Variants in AMBRA1 observed in about 807,000 individuals in gnomAD.
AMBRA1 encodes the protein activating molecule in BECN1-regulated autophagy protein 1.
AMBRA1 carries 47 observed loss-of-function variants against 125.4 expected under a neutral mutation model. The observed-to-expected ratio is 0.37, with a 90% CI of 0.30 to 0.48. AMBRA1 has a LOEUF of 0.48. AMBRA1 is among the 20% of genes least tolerant of loss of function. The probability of loss-of-function intolerance (pLI) is 0.99; values close to 1 mark genes in which losing one functional copy is unlikely to be tolerated. For synonymous variants in AMBRA1, 626 were observed against 655.5 expected, an observed-to-expected ratio of 0.95 and a Z score of 0.69; for missense variants, 1,331 against 1,693.4, an observed-to-expected ratio of 0.79 and a Z score of 3.76.
intron 7 of AMBRA1, among the ~76,000 whole-genome samples, chr11:46,517,690 C>T (rs1258956422): frequency 4.0e-5 from 6 of 149,704 alleles, no homozygotes; most frequent in Admixed American, 1.3e-4. Context: ...AAAAATTAGC[C>T]GGGCCTGGTG....
chr11:46,591,456 G>A (rs2044591560), intron 1 of AMBRA1: 1 of 152,056 alleles, frequency 6.6e-6, no homozygotes, highest in Non-Finnish European at 1.5e-5. Context: ...AAAATTAAAG[G>A]AACAGTAATC....
chr11:46,588,145 C>T (rs958853289), intron 1 of AMBRA1, among the ~76,000 whole-genome samples: 1 of 152,148 alleles, frequency 6.6e-6, no homozygotes, highest in Non-Finnish European at 1.5e-5. Context: ...CCAGCCTGGC[C>T]AACATGGTGA....
At chr11:46,461,409 T>C (rs76018124) in intron 11 of AMBRA1, among the ~76,000 whole-genome samples, 10,450 of 152,302 alleles carry the variant, frequency 0.069, 566 homozygotes, top group South Asian at 0.15. Flanking sequence ...TCTGGGCATA[T>C]GTTTGCAAGT....
intron 12 of AMBRA1, among the ~76,000 whole-genome samples, chr11:46,435,313 G>C (rs1317554471): frequency 6.6e-6 from 1 of 152,186 alleles, no homozygotes; most frequent in Non-Finnish European, 1.5e-5. Context: ...AATACCGCTT[G>C]AGAGATTAGA....
intron 4 of AMBRA1, chr11:46,546,042 T>TC (rs1214013804): frequency 3.9e-6 from 1 of 255,064 alleles, no homozygotes; most frequent in Non-Finnish European, 7.4e-6. Flanking sequence ...TCTTTTTTTT[T>TC]TTTTTTTTTT....
chr11:46,444,877 CTG>C (rs929035646), intron 11 of AMBRA1, among the ~76,000 whole-genome samples: 11 of 152,152 alleles, frequency 7.2e-5, no homozygotes, highest in African/African-American at 2.7e-4. Context: ...CTGCTGGCCA[CTG>C]TGTCAGAAGA....
At chr11:46,416,143 G>T (rs895064913) in intron 15 of AMBRA1, among the ~76,000 whole-genome samples, 2 of 152,228 alleles carry the variant, frequency 1.3e-5, no homozygotes, top group Non-Finnish European at 2.9e-5. Flanking sequence ...GTGTAAGTAA[G>T]AGTAGAATCA....
intron 1 of AMBRA1, among the ~76,000 whole-genome samples, chr11:46,593,613 CCA>C: frequency 6.6e-6 from 1 of 152,348 alleles, no homozygotes; most frequent in East Asian, 1.9e-4. Context: ...CCCTAAAGAA[CCA>C]CACCGGGAAG....
chr11:46,400,115 C>T (rs539526470), intron 17 of AMBRA1, among the ~76,000 whole-genome samples: 35 of 152,246 alleles, frequency 2.3e-4, no homozygotes, highest in African/African-American at 8.4e-4. Flanking sequence ...TTCTGCTCAG[C>T]TCTTGGTAGG....
intron 13 of AMBRA1, among the ~76,000 whole-genome samples, chr11:46,434,056 G>A (rs1464123843): frequency 2.0e-5 from 3 of 147,762 alleles, no homozygotes; most frequent in East Asian, 2.0e-4. Context: ...TAGAGGTTGC[G>A]GTAAGCTGAG....
chr11:46,510,802 T>C (rs1187532977), intron 8 of AMBRA1, among the ~76,000 whole-genome samples: 1 of 152,168 alleles, frequency 6.6e-6, no homozygotes, highest in Non-Finnish European at 1.5e-5. Context: ...CTCTGACCTA[T>C]ACATAGTGTA....
intron 11 of AMBRA1, among the ~76,000 whole-genome samples, chr11:46,457,384 A>G (rs780385926): frequency 1.3e-4 from 19 of 151,960 alleles, no homozygotes; most frequent in Non-Finnish European, 1.9e-4. Context: ...TAAATACAAC[A>G]CTCAGTCCAA....
At chr11:46,467,720 G>A (rs1235375101) in intron 11 of AMBRA1, among the ~76,000 whole-genome samples, 1 of 152,036 alleles carries the variant, frequency 6.6e-6, no homozygotes, top group African/African-American at 2.4e-5. Flanking sequence ...TTTTAGTAGA[G>A]ATGGGATTTC....
chr11:46,569,440 A>AAAAAAT (rs1477022124), intron 1 of AMBRA1, among the ~76,000 whole-genome samples: 3 of 131,370 alleles, frequency 2.3e-5, no homozygotes, highest in South Asian at 2.4e-4. Flanking sequence ...AAAAAAAAAA[A>AAAAAAT]ATATATATAT....
intron 11 of AMBRA1, among the ~76,000 whole-genome samples, chr11:46,479,279 G>A (rs1949959267): frequency 6.6e-6 from 1 of 152,128 alleles, no homozygotes; most frequent in Admixed American, 6.5e-5. Flanking sequence ...ACTTAGTTGT[G>A]GCAGCATGTT....
intron 12 of AMBRA1, among the ~76,000 whole-genome samples, chr11:46,442,566 T>A (rs1256986539): frequency 6.6e-6 from 1 of 152,168 alleles, no homozygotes; most frequent in Non-Finnish European, 1.5e-5. Context: ...GAGAGAGCCC[T>A]TCACGAGGTA....
intron 9 of AMBRA1, 151 bp downstream of exon 9, chr11:46,508,040 C>A: frequency 1.2e-6 from 1 of 836,756 alleles, no homozygotes. Flanking sequence ...GCATCTTAAC[C>A]CTCTGTCCCT....
chr11:46,580,841 G>C (rs2044144535), intron 1 of AMBRA1, among the ~76,000 whole-genome samples: 2 of 152,092 alleles, frequency 1.3e-5, no homozygotes, highest in South Asian at 4.1e-4. Flanking sequence ...ACCCGGCCTG[G>C]AGTGCAGTAT....
At chr11:46,486,011 G>T (rs1157151734) in intron 11 of AMBRA1, among the ~76,000 whole-genome samples, 2 of 152,170 alleles carry the variant, frequency 1.3e-5, no homozygotes, top group Non-Finnish European at 2.9e-5. Flanking sequence ...TCTCTGGGAG[G>T]AGTACTGCAT....
Sources: allele counts gnomAD v4.1 joint callset (sites outside exome capture counted in the v4.1 genomes callset), GRCh38; gene constraint gnomAD v4.1.1; transcripts MANE v1.5; gene names NCBI Gene and HGNC (gene_info 2026-07-23, HGNC 2026-07-21).